PFKM: variants seen among roughly 807,000 people sequenced by gnomAD.
The protein encoded by PFKM is ATP-dependent 6-phosphofructokinase, muscle type.
PFKM carries 58 observed loss-of-function variants against 95.5 expected under a neutral mutation model. The observed-to-expected ratio is 0.61, with a 90% CI of 0.49 to 0.76. The LOEUF (loss-of-function observed/expected upper bound fraction) is 0.76, where lower values mean the gene tolerates loss of function less well. PFKM is among the 30% of genes least tolerant of loss of function. PFKM has a pLI of 0.00. For synonymous variants in PFKM, 336 were observed against 357.2 expected (o/e 0.94, Z 0.67); for missense variants, 678 against 1,005.4 (o/e 0.67, Z 4.40).
intron 2 of PFKM, among the ~76,000 whole-genome samples, chr12:48,128,666 A>G (rs193070223): frequency 1.9e-3 from 282 of 152,204 alleles, no homozygotes; most frequent in Non-Finnish European, 2.7e-3. Context: ...TTTTTATTCC[A>G]TTCTATTCCT....
At chr12:48,125,350 A>G (rs988806661) in intron 2 of PFKM, 2 of 449,866 alleles carry the variant, frequency 4.4e-6, no homozygotes, top group South Asian at 1.6e-5. Flanking sequence ...GGCCAGGTGC[A>G]GTGGCTCACA....
At chr12:48,127,835 A>G (rs1949016119) in intron 2 of PFKM, among the ~76,000 whole-genome samples, 1 of 152,132 alleles carries the variant, frequency 6.6e-6, no homozygotes, top group Admixed American at 6.5e-5. Flanking sequence ...AAAGCTGTGG[A>G]CCTTCTCCCG....
chr12:48,144,312 A>G (rs748990888), intron 20 of PFKM, among the ~76,000 whole-genome samples, 155 bp downstream of exon 20: 13 of 152,230 alleles, frequency 8.5e-5, no homozygotes, highest in South Asian at 6.2e-4. Flanking sequence ...AGTCTCTTAC[A>G]GTCATAGAAT....
upstream of PFKM, among the ~76,000 whole-genome samples, chr12:48,116,098 T>C (rs1202949030): frequency 1.3e-5 from 2 of 152,024 alleles, no homozygotes; most frequent in Admixed American, 6.6e-5. Flanking sequence ...AATACTTTTC[T>C]TTCTTTTTCC....
chr12:48,123,216 G>A lies in PFKM; in HGVS notation c.85+357G>A, dbSNP rs1488674835. 2.6e-5 allele frequency among the ~76,000 whole-genome samples: 4 copies of A among 152,144 alleles called. No homozygotes were observed. In the East Asian group the frequency reaches 7.7e-4, roughly 29 times the overall value. ...CATGTACTTTGGTAATGGTGGGGAT[G>A]GGAGGAGACCCAGAATTAGTATATG... is the stretch of plus-strand genomic sequence containing the variant. On this transcript the variant is annotated intron_variant, in intron 2 of 22. Transcript: ENST00000359794.
At chr12:48,132,211 G>C in intron 4 of PFKM, 1 of 377,200 alleles carries the variant, frequency 2.7e-6, no homozygotes, top group South Asian at 2.0e-5. Flanking sequence ...ACCTCTCTCA[G>C]GTAAGTATAC....
chr12:48,136,844 C>A (rs1950147810), intron 10 of PFKM, among the ~76,000 whole-genome samples: 1 of 151,650 alleles, frequency 6.6e-6, no homozygotes, highest in Admixed American at 6.6e-5. Flanking sequence ...ACCTCTGCCC[C>A]CTGGGTTCAA....
intron 1 of PFKM, chr12:48,107,296 C>T: frequency 1.1e-6 from 1 of 951,404 alleles, no homozygotes; most frequent in Non-Finnish European, 1.7e-6. Context: ...TGTAGCTGGT[C>T]CATGTCAGTC....
chr12:48,132,114 G>A (rs969169758), intron 4 of PFKM: 5 of 455,118 alleles, frequency 1.1e-5, no homozygotes, highest in Admixed American at 2.4e-5. Flanking sequence ...CCATAAAGTG[G>A]TCTGAGAATG....
chr12:48,115,094 T>A (rs1196652554), upstream of PFKM, among the ~76,000 whole-genome samples: 1 of 152,110 alleles, frequency 6.6e-6, no homozygotes, highest in East Asian at 1.9e-4. Flanking sequence ...ATCCCTGCAA[T>A]TGACTTGCCA....
At chr12:48,111,214 C>T (rs1387511488) in intron 3 of PFKM, among the ~76,000 whole-genome samples, 2 of 152,206 alleles carry the variant, frequency 1.3e-5, no homozygotes, top group Non-Finnish European at 2.9e-5. Context: ...AGTGCTGCTT[C>T]ACCCATTTGC....
chr12:48,112,117 T>C (rs1358828893), intron 3 of PFKM, among the ~76,000 whole-genome samples: 1 of 152,102 alleles, frequency 6.6e-6, no homozygotes, highest in Non-Finnish European at 1.5e-5. Context: ...CCCTGCACTT[T>C]GGCTGTGTGT....
intron 17 of PFKM, chr12:48,142,279 C>T (rs951112676): frequency 3.3e-6 from 2 of 602,862 alleles, no homozygotes; most frequent in South Asian, 3.7e-5. Context: ...TCAAGAGCAG[C>T]CTGGCCAACA....
intron 15 of PFKM, 103 bp from the exon 16 acceptor site, chr12:48,141,637 A>AAAAT: frequency 1.1e-6 from 1 of 945,036 alleles, no homozygotes; most frequent in Non-Finnish European, 1.7e-6. Context: ...CAAGAAATTA[A>AAAAT]AAATAAAGTG....
At chr12:48,137,912 T>C (rs1263961867) in intron 11 of PFKM, 66 bp downstream of exon 11, 23 of 1,568,022 alleles carry the variant, frequency 1.5e-5, no homozygotes, top group Non-Finnish European at 1.8e-5. Context: ...TCAAGGGGCA[T>C]GAGACTATGT....
intron 2 of PFKM, among the ~76,000 whole-genome samples, chr12:48,129,141 A>G (rs1303282970): frequency 2.0e-5 from 3 of 151,400 alleles, no homozygotes; most frequent in African/African-American, 7.3e-5. Flanking sequence ...ATCATCTGTG[A>G]AAAAGGGAAA....
upstream of PFKM, among the ~76,000 whole-genome samples, chr12:48,115,906 A>G (rs1229699761): frequency 1.3e-5 from 2 of 152,134 alleles, no homozygotes; most frequent in Non-Finnish European, 2.9e-5. Context: ...ACATTGGTAT[A>G]CAGATTTTGT....
Position 48,145,243 on chromosome 12 carries a change from G to A in PFKM, c.2126G>A (p.Cys709Tyr), listed in dbSNP as rs373055147. The A allele has an allele frequency of 6.2e-7, 1 of 1,614,054 alleles. No homozygotes were observed. The highest frequency in any genetic ancestry group is 1.3e-5 in the African/African-American group (1 of 74,930). ...TTTGCCAATACTCCAGATTCGGGCT[G>A]TGTTCTGGGGATGCGTAAGAGGGCT... ...RIFANTPDSG[C>Y]VLGMRKRALV... The change falls in exon 22 of 23, where the codon TGT becomes TAT. Residue 709 changes from cysteine to tyrosine, a missense_variant. Cys to Tyr is a radical substitution (Grantham distance 194). Transcript: ENST00000359794. This position sits in a 1 kb window ranked among gnomAD's most constrained non-coding sequence, Gnocchi z 4.3.
intron 3 of PFKM, among the ~76,000 whole-genome samples, chr12:48,111,069 A>C (rs1947141877): frequency 6.6e-6 from 1 of 152,220 alleles, no homozygotes; most frequent in Non-Finnish European, 1.5e-5. Context: ...GCTCTGATCC[A>C]GCAGATCCAA....
Sources: gnomAD v4.1 joint callset for allele counts (sites outside exome capture counted in the v4.1 genomes callset) on GRCh38, gnomAD v4.1.1 for gene constraint, Gnocchi (gnomAD v3.1) non-coding constraint, MANE v1.5 for transcripts, NCBI Gene and HGNC (gene_info 2026-07-23, HGNC 2026-07-21) for gene names.